Variants in CUL4A observed in about 807,000 individuals in gnomAD.
The protein encoded by CUL4A is cullin-4A.
CUL4A carries 16 observed loss-of-function variants against 95.5 expected under a neutral mutation model. The observed-to-expected ratio is 0.17, with a 90% CI of 0.11 to 0.25. The LOEUF (loss-of-function observed/expected upper bound fraction) is 0.25, where lower values mean the gene tolerates loss of function less well. Among genes scored for constraint, CUL4A ranks in the 10% least tolerant of loss-of-function variants. CUL4A has a pLI of 1.00. For missense variants in CUL4A, 610 were observed against 937.0 expected, an observed-to-expected ratio of 0.65 and a Z score of 4.56; for synonymous variants, 380 against 353.1, an observed-to-expected ratio of 1.08 and a Z score of -0.85.
intron 16 of CUL4A, among the ~76,000 whole-genome samples, chr13:113,254,412 C>A (rs924474668): frequency 6.6e-6 from 1 of 152,110 alleles, no homozygotes; most frequent in Non-Finnish European, 1.5e-5. Context: ...TCCTGGCTAA[C>A]ACAGTGGAAC....
chr13:113,258,009 T>TTTTCG lies in CUL4A; in HGVS notation c.2032-2595_2032-2594insCGTTT, dbSNP rs536001895. On this transcript the variant is annotated intron_variant, in intron 18 of 19. Transcript: ENST00000375440. ...GTGTCTATTTCATAGCCAGCCATTT[T>TTTTCG]TTTTGTTTTGTTTTGTTTTGTTTTT... Among the ~76,000 whole-genome samples, 38 of 152,036 alleles carry TTTTCG rather than the reference T, an allele frequency of 2.5e-4. No homozygotes were observed. The East Asian group carries it at 5.6e-3, about 22-fold the overall frequency.
intron 18 of CUL4A, among the ~76,000 whole-genome samples, chr13:113,259,326 T>C (rs1420671922): frequency 6.6e-6 from 1 of 152,228 alleles, no homozygotes. Flanking sequence ...TCATGGATCC[T>C]GTTGAAAATG....
chr13:113,220,929 C>T (rs943494485), intron 3 of CUL4A, among the ~76,000 whole-genome samples: 1 of 152,100 alleles, frequency 6.6e-6, no homozygotes, highest in South Asian at 2.1e-4. Flanking sequence ...TCATTTGGTT[C>T]ATTAAAGGCA....
In CUL4A at chr13:113,254,714, T is replaced by A; in HGVS notation, c.1774T>A (p.Ser592Thr). The change falls in exon 17 of 20, where the codon TCC becomes ACC. Residue 592 changes from serine to threonine, a missense_variant. Around this residue, in one of 10 missense-constraint regions of CUL4A, gnomAD observed 72 missense variants for 93.2 expected, o/e 0.77. Coordinates refer to ENST00000375440, the MANE Select transcript of CUL4A (RefSeq NM_001008895.4). ...CCAGGGGAAGAAGGAATTCCAGGTG[T>A]CCCTCTTCCAGACACTGGTGCTCCT... ...FKEGKKEFQV[S>T]LFQTLVLLMF... 6.2e-7 allele frequency: 1 copy of A among 1,611,746 alleles called. No homozygotes were observed. The highest frequency in any genetic ancestry group is 1.3e-5 in the African/African-American group (1 of 74,940).
At chr13:113,210,791 TAAA>T (rs1410684144) in intron 2 of CUL4A, among the ~76,000 whole-genome samples, 2 of 84,590 alleles carry the variant, frequency 2.4e-5, no homozygotes, top group Admixed American at 1.1e-4. Context: ...AGGCTTGAAT[TAAA>T]AAAACTTTTT....
chr13:113,244,295 G>A (rs2139236490), intron 11 of CUL4A, 115 bp from the exon 12 acceptor site: 1 of 720,034 alleles, frequency 1.4e-6, no homozygotes, highest in East Asian at 2.8e-5. Context: ...TTGTTTTTTT[G>A]TCATATAGTC....
intron 7 of CUL4A, among the ~76,000 whole-genome samples, chr13:113,234,454 CTG>C (rs1491341699): frequency 1.3e-5 from 2 of 152,188 alleles, no homozygotes; most frequent in African/African-American, 4.8e-5. Flanking sequence ...GCCCCATAGA[CTG>C]TCACCCAAAT....
At chr13:113,255,407 A>T (rs1477369536) in intron 18 of CUL4A, among the ~76,000 whole-genome samples, 1 of 152,202 alleles carries the variant, frequency 6.6e-6, no homozygotes, top group African/African-American at 2.4e-5. Context: ...TTCGAAAATT[A>T]TCCACACTTT....
chr13:113,209,738 G>A lies in CUL4A; in HGVS notation c.111G>A (p.Ala37=). 1.4e-5 allele frequency: 16 copies of A among 1,168,890 alleles called. No individual in the cohort carries two copies. Among genetic ancestry groups the A allele is most frequent in the African/African-American group, 3.2e-5 (2 of 62,064 alleles). 72.4% of individuals were successfully genotyped at this position (1,168,890 alleles called of 1,614,324 possible). A position where few individuals can be genotyped will look rare whatever the true frequency, so the allele number is the denominator to read the frequency against. ...CCGCGCCCGCCAAGCCGGGGGGCGC[G>A]GGCGGCTCCAAGAAGCTGGTCATCA... The part of the protein sequence containing the change: ...LAAAPAKPGG[A]GGSKKLVIKN... Residue 37 remains alanine (A), a synonymous_variant, in exon 1 of 20, where the codon GCG becomes GCA. Transcript: ENST00000375440.
intron 6 of CUL4A, 80 bp downstream of exon 6, chr13:113,233,419 T>TA: frequency 7.5e-7 from 1 of 1,339,232 alleles, no homozygotes; most frequent in African/African-American, 1.5e-5. Context: ...CCAAAGATGT[T>TA]AAACAATGAA....
At chr13:113,246,185 A>G (rs1162867638) in intron 15 of CUL4A, 122 bp downstream of exon 15, 8 of 702,140 alleles carry the variant, frequency 1.1e-5, no homozygotes, top group Non-Finnish European at 1.9e-5. Flanking sequence ...GTCCAAAATC[A>G]AAGTGCTCTT....
chr13:113,234,706 G>T (rs772490615), intron 7 of CUL4A, among the ~76,000 whole-genome samples: 1 of 152,198 alleles, frequency 6.6e-6, no homozygotes, highest in African/African-American at 2.4e-5. Context: ...GCTGTGCGGG[G>T]CAGGGTTGCC....
At chr13:113,254,477 C>A (rs369509827) in intron 16 of CUL4A, among the ~76,000 whole-genome samples, 3 of 152,084 alleles carry the variant, frequency 2.0e-5, no homozygotes, top group East Asian at 3.9e-4. Flanking sequence ...CACCAGTAGT[C>A]CCAGCTACTC....
chr13:113,241,165 A>G (rs1279335827), intron 10 of CUL4A, among the ~76,000 whole-genome samples: 1 of 152,192 alleles, frequency 6.6e-6, no homozygotes, highest in African/African-American at 2.4e-5. Flanking sequence ...CCATAAAGCT[A>G]CTGAAGATTT....
At chr13:113,222,051 A>C (rs1244067334) in intron 3 of CUL4A, among the ~76,000 whole-genome samples, 2 of 152,218 alleles carry the variant, frequency 1.3e-5, no homozygotes, top group Non-Finnish European at 2.9e-5. Flanking sequence ...GCCAGGGAGC[A>C]GCGTGGGCAG....
chr13:113,220,061 G>T (rs1353966998), intron 3 of CUL4A, among the ~76,000 whole-genome samples: 1 of 152,138 alleles, frequency 6.6e-6, no homozygotes, highest in African/African-American at 2.4e-5. Context: ...AAAATTAGGT[G>T]GTTTGTGTTT....
chr13:113,261,339 C>T lies in CUL4A; in HGVS notation c.2184+580C>T, dbSNP rs1183467145. On this transcript the variant is annotated intron_variant, in intron 19 of 19. Coordinates refer to ENST00000375440, the MANE Select transcript of CUL4A (RefSeq NM_001008895.4). ...ACTGAACTCTGATGACGCCTGGCCT[C>T]TCAGGGACAGGACCGGCCACACGTG... Among the ~76,000 whole-genome samples the T allele has an allele frequency of 3.9e-5, 6 of 152,206 alleles. No individual in the cohort carries two copies. The South Asian group carries it at 1.2e-3, about 32-fold the overall frequency.
chr13:113,212,155 A>C (rs552343510), intron 2 of CUL4A, among the ~76,000 whole-genome samples: 20 of 152,106 alleles, frequency 1.3e-4, no homozygotes, highest in Non-Finnish European at 2.2e-4. Flanking sequence ...TGGGTTGGTT[A>C]TTTTCTTATT....
chr13:113,256,964 C>T (rs528036080), intron 18 of CUL4A, among the ~76,000 whole-genome samples: 8 of 90,690 alleles, frequency 8.8e-5, no homozygotes, highest in Non-Finnish European at 1.2e-4. Context: ...TTCACTCTGT[C>T]GTCCAGGCTG....
Sources: gnomAD v4.1 joint callset for allele counts (sites outside exome capture counted in the v4.1 genomes callset) on GRCh38, gnomAD v4.1.1 for gene constraint, gnomAD v4.1.1 regional missense constraint, MANE v1.5 for transcripts, NCBI Gene and HGNC (gene_info 2026-07-23, HGNC 2026-07-21) for gene names.